The following SLC41A2 variants were observed in gnomAD, a reference collection of about 807,000 sequenced individuals.
SLC41A2 encodes the protein SLC41A1-like 1.
A neutral mutation model predicts 58.3 loss-of-function variants in SLC41A2; 32 were observed. The observed-to-expected ratio is 0.55, with a 90% CI of 0.41 to 0.74. The LOEUF is 0.74. Among genes scored for constraint, SLC41A2 ranks in the 30% least tolerant of loss-of-function variants. SLC41A2 has a pLI of 0.00. For synonymous variants in SLC41A2, 190 were observed against 235.0 expected (o/e 0.81, Z 1.75); for missense variants, 514 against 680.6 (o/e 0.76, Z 2.72).
chr12:104,889,443 T>C (rs890744403), intron 4 of SLC41A2, among the ~76,000 whole-genome samples: 1 of 152,134 alleles, frequency 6.6e-6, no homozygotes, highest in African/African-American at 2.4e-5. Context: ...ATGCTGATGG[T>C]ATAACTAATA....
intron 4 of SLC41A2, among the ~76,000 whole-genome samples, chr12:104,893,828 A>G (rs572867617): frequency 8.4e-4 from 128 of 152,316 alleles, no homozygotes; most frequent in African/African-American, 3.0e-3. Context: ...ATGGAGACAG[A>G]AAGTAGAAGG....
intron 10 of SLC41A2, among the ~76,000 whole-genome samples, chr12:104,834,632 T>A (rs1377706840): frequency 6.6e-6 from 1 of 152,118 alleles, no homozygotes; most frequent in Non-Finnish European, 1.5e-5. Context: ...GCTTAGGTTT[T>A]TCCTTTGAGA....
chr12:104,854,550 C>G (rs547625323), intron 8 of SLC41A2, among the ~76,000 whole-genome samples: 4 of 143,568 alleles, frequency 2.8e-5, no homozygotes, highest in African/African-American at 7.7e-5. Flanking sequence ...GCGAAAGAGC[C>G]AGACTCCGTC....
At chr12:104,949,142 C>T (rs2047856647) in intron 1 of SLC41A2, among the ~76,000 whole-genome samples, 1 of 152,128 alleles carries the variant, frequency 6.6e-6, no homozygotes, top group South Asian at 2.1e-4. Context: ...CACTTGAACC[C>T]AGGAGGCAGA....
At chr12:104,942,571 C>T (rs1402245581) in intron 1 of SLC41A2, among the ~76,000 whole-genome samples, 2 of 151,844 alleles carry the variant, frequency 1.3e-5, no homozygotes, top group East Asian at 1.9e-4. Context: ...CTCCCCTATA[C>T]AGTCACAGGA....
intron 10 of SLC41A2, among the ~76,000 whole-genome samples, chr12:104,809,506 C>T (rs1195861276): frequency 1.3e-5 from 2 of 152,128 alleles, no homozygotes; most frequent in Non-Finnish European, 2.9e-5. Flanking sequence ...TTGTCTTTTC[C>T]ATGTGGTCAA....
intron 10 of SLC41A2, among the ~76,000 whole-genome samples, chr12:104,822,878 T>C (rs1212390836): frequency 6.6e-6 from 1 of 151,840 alleles, no homozygotes; most frequent in East Asian, 1.9e-4. Context: ...AAACAAAAAC[T>C]GTGATAAGAA....
At chr12:104,855,820 C>G (rs998681677) in intron 8 of SLC41A2, among the ~76,000 whole-genome samples, 1 of 152,126 alleles carries the variant, frequency 6.6e-6, no homozygotes, top group African/African-American at 2.4e-5. Context: ...TTGTTTGGGA[C>G]ACTGGGTAGC....
At chr12:104,812,409 A>AT (rs1033343304) in intron 10 of SLC41A2, among the ~76,000 whole-genome samples, 2 of 152,302 alleles carry the variant, frequency 1.3e-5, no homozygotes, top group African/African-American at 4.8e-5. Flanking sequence ...TAAGAATCTG[A>AT]TTTTTTTCAA....
intron 1 of SLC41A2, among the ~76,000 whole-genome samples, chr12:104,946,576 G>T (rs1295851522): frequency 2.0e-5 from 3 of 152,128 alleles, no homozygotes; most frequent in African/African-American, 7.2e-5. Context: ...ATCTGGCCCA[G>T]GCACATTTTA....
At chr12:104,858,571 T>C (rs1405263256) in intron 8 of SLC41A2, among the ~76,000 whole-genome samples, 2 of 152,224 alleles carry the variant, frequency 1.3e-5, no homozygotes, top group Non-Finnish European at 2.9e-5. Context: ...TGAAATTCAA[T>C]TCTCAAAAGT....
intron 3 of SLC41A2, 40 bp downstream of exon 3, chr12:104,909,615 G>A (rs2045990870): frequency 3.0e-6 from 4 of 1,315,334 alleles, no homozygotes; most frequent in Non-Finnish European, 3.3e-6. Context: ...AGAGAAACAG[G>A]ATAGGTAATA....
intron 1 of SLC41A2, among the ~76,000 whole-genome samples, chr12:104,929,937 A>T (rs1315568659): frequency 1.3e-5 from 2 of 152,222 alleles, no homozygotes; most frequent in Admixed American, 1.3e-4. Context: ...AGGAATGGCA[A>T]AGGGAGAAAG....
At chr12:104,860,054 T>A (rs1187932413) in intron 8 of SLC41A2, among the ~76,000 whole-genome samples, 1 of 152,142 alleles carries the variant, frequency 6.6e-6, no homozygotes, top group African/African-American at 2.4e-5. Flanking sequence ...ACATATTTTC[T>A]TTTTACATAG....
At chr12:104,873,333 G>T (rs539660563) in intron 6 of SLC41A2, among the ~76,000 whole-genome samples, 1 of 152,022 alleles carries the variant, frequency 6.6e-6, no homozygotes, top group African/African-American at 2.4e-5. Context: ...TGTCTTCCAG[G>T]TTCATTCATG....
chr12:104,861,886 T>A (rs1213097773), intron 7 of SLC41A2, among the ~76,000 whole-genome samples: 1 of 152,234 alleles, frequency 6.6e-6, no homozygotes, highest in Non-Finnish European at 1.5e-5. Flanking sequence ...GTCTTATTAC[T>A]GGCAAATTAA....
intron 7 of SLC41A2, among the ~76,000 whole-genome samples, chr12:104,861,874 G>A (rs956859000): frequency 1.3e-5 from 2 of 152,210 alleles, no homozygotes; most frequent in African/African-American, 4.8e-5. Flanking sequence ...TTGTTAGGAT[G>A]TGTCTTATTA....
intron 2 of SLC41A2, among the ~76,000 whole-genome samples, chr12:104,912,414 C>T (rs933400325): frequency 2.0e-5 from 3 of 152,160 alleles, no homozygotes; most frequent in Admixed American, 6.5e-5. Flanking sequence ...TTAAGTTGAT[C>T]ACCGATGACC....
chr12:104,923,130 AG>A (rs1185699292), intron 2 of SLC41A2, among the ~76,000 whole-genome samples: 7 of 149,784 alleles, frequency 4.7e-5, no homozygotes, highest in Non-Finnish European at 1.5e-5. Flanking sequence ...TGGGAGGCCG[AG>A]GCGTGTGGGT....
Sources: allele counts gnomAD v4.1 joint callset (sites outside exome capture counted in the v4.1 genomes callset), GRCh38; gene constraint gnomAD v4.1.1; transcripts MANE v1.5; gene names NCBI Gene and HGNC (gene_info 2026-07-23, HGNC 2026-07-21).